RORA: variants seen among roughly 807,000 people sequenced by gnomAD.
RORA encodes the protein RAR related orphan receptor A.
Under a neutral mutation model 69.5 loss-of-function variants are expected in RORA, and 7 were observed. That is an observed-to-expected ratio of 0.10 (90% CI 0.06 to 0.19). RORA has a LOEUF of 0.19. Among genes scored for constraint, RORA ranks in the 10% least tolerant of loss-of-function variants. The probability of loss-of-function intolerance (pLI) is 1.00; values close to 1 mark genes in which losing one functional copy is unlikely to be tolerated. For missense variants in RORA, 457 were observed against 663.0 expected (o/e 0.69, Z 3.41); for synonymous variants, 261 against 240.8 (o/e 1.08, Z -0.78).
intron 2 of RORA, among the ~76,000 whole-genome samples, chr15:60,625,585 T>A (rs184208370): frequency 3.2e-4 from 49 of 152,352 alleles, no homozygotes; most frequent in African/African-American, 1.1e-3. Flanking sequence ...AAATAACGTC[T>A]GGTGTATCAT....
intron 1 of RORA, among the ~76,000 whole-genome samples, chr15:61,202,917 AG>A (rs2079908543): frequency 6.6e-6 from 1 of 152,216 alleles, no homozygotes; most frequent in South Asian, 2.1e-4. Context: ...CAAGAAACAC[AG>A]TACTCAGTGA....
intron 2 of RORA, among the ~76,000 whole-genome samples, chr15:60,664,905 G>A (rs1261426565): frequency 6.6e-6 from 1 of 152,168 alleles, no homozygotes; most frequent in Non-Finnish European, 1.5e-5. Flanking sequence ...ACAAACAAAA[G>A]TAGGGAGGAA....
chr15:60,499,042 C>A (rs2065251236), intron 10 of RORA, among the ~76,000 whole-genome samples: 1 of 152,076 alleles, frequency 6.6e-6, no homozygotes, highest in African/African-American at 2.4e-5. Flanking sequence ...ACATTATAAT[C>A]ATATTTATTG....
intron 1 of RORA, among the ~76,000 whole-genome samples, chr15:60,979,267 G>A (rs989888822): frequency 5.7e-5 from 2 of 35,388 alleles, no homozygotes; most frequent in East Asian, 6.8e-4. Context: ...CCTAGCCCTT[G>A]CTTTTTTTTT....
chr15:61,089,798 C>G (rs2078678439), intron 1 of RORA, among the ~76,000 whole-genome samples: 1 of 152,170 alleles, frequency 6.6e-6, no homozygotes, highest in Non-Finnish European at 1.5e-5. Context: ...CTCTGTAGCC[C>G]ACCGAGCAGT....
intron 2 of RORA, among the ~76,000 whole-genome samples, chr15:60,642,213 G>A (rs1411653148): frequency 6.6e-6 from 1 of 152,010 alleles, no homozygotes; most frequent in Non-Finnish European, 1.5e-5. Context: ...TCCCAGGGAA[G>A]TAAGTAGAAA....
intron 1 of RORA, among the ~76,000 whole-genome samples, chr15:60,752,375 G>A (rs1405060149): frequency 6.6e-6 from 1 of 152,150 alleles, no homozygotes; most frequent in East Asian, 1.9e-4. Flanking sequence ...ACGTGTGAAA[G>A]GAAAGTGTGG....
intron 1 of RORA, among the ~76,000 whole-genome samples, chr15:61,064,279 G>A (rs915525846): frequency 2.6e-5 from 4 of 152,176 alleles, no homozygotes; most frequent in Admixed American, 6.5e-5. Context: ...TTGAGTCACA[G>A]TTTCCATCCG....
At chr15:60,557,972 C>T (rs1163500120) in intron 2 of RORA, 4 of 305,232 alleles carry the variant, frequency 1.3e-5, no homozygotes, top group African/African-American at 2.2e-5. Context: ...TGATGATAAA[C>T]AGTCATCAGA....
At chr15:60,773,416 G>A (rs2072108218) in intron 1 of RORA, among the ~76,000 whole-genome samples, 1 of 152,042 alleles carries the variant, frequency 6.6e-6, no homozygotes, top group Admixed American at 6.6e-5. Context: ...ACATACTTCA[G>A]TGTGTGTTTC....
intron 2 of RORA, among the ~76,000 whole-genome samples, chr15:60,622,804 C>T (rs1304114926): frequency 6.6e-6 from 1 of 152,144 alleles, no homozygotes; most frequent in Non-Finnish European, 1.5e-5. Flanking sequence ...CCACCTCCAC[C>T]TCCTGGGCTC....
chr15:60,601,120 A>ATT (rs1315657217), intron 2 of RORA: 3 of 152,152 alleles, frequency 2.0e-5, no homozygotes, highest in Non-Finnish European at 4.4e-5. Context: ...AATTGAATTA[A>ATT]TTTTTCCTTC....
chr15:60,492,294 AC>A lies in RORA; in HGVS notation c.*5160del, dbSNP rs1215312249. The stretch of plus-strand genomic sequence containing the variant: ...GGAAAGTAATATGTGGAATATGATA[AC>A]AAAACGGTATTTCAAAAATATAACA... On this transcript the variant is annotated 3_prime_UTR_variant, in exon 11 of 11. Coordinates refer to ENST00000335670, the MANE Select transcript of RORA (RefSeq NM_134261.3). The A allele has an allele frequency of 6.6e-6, 1 of 152,228 alleles. No individual in the cohort carries two copies. Among genetic ancestry groups the A allele is most frequent in the Non-Finnish European group, 1.5e-5 (1 of 68,026 alleles). 9.4% of individuals were successfully genotyped at this position (152,228 alleles called of 1,614,324 possible).
chr15:60,528,604 G>C (rs954380287), intron 3 of RORA: 1 of 152,028 alleles, frequency 6.6e-6, no homozygotes, highest in Non-Finnish European at 1.5e-5. Flanking sequence ...ATTGCAAATG[G>C]TCACAACAAT....
chr15:60,998,245 C>A (rs911794064), intron 1 of RORA, among the ~76,000 whole-genome samples: 20 of 152,132 alleles, frequency 1.3e-4, no homozygotes, highest in African/African-American at 4.8e-4. Context: ...CTCACTGTAG[C>A]CTCAAACTCC....
chr15:61,085,843 G>A (rs1192066694), intron 1 of RORA, among the ~76,000 whole-genome samples: 1 of 152,214 alleles, frequency 6.6e-6, no homozygotes, highest in Non-Finnish European at 1.5e-5. Context: ...GAGAACTACT[G>A]GCTTAACTTT....
intron 1 of RORA, among the ~76,000 whole-genome samples, chr15:60,914,489 C>T (rs749273956): frequency 3.3e-5 from 5 of 152,200 alleles, no homozygotes; most frequent in Non-Finnish European, 5.9e-5. Context: ...GAATTGCCTT[C>T]GGGATTTGAC....
At chr15:61,045,902 C>T (rs142331184) in intron 1 of RORA, among the ~76,000 whole-genome samples, 7 of 152,316 alleles carry the variant, frequency 4.6e-5, no homozygotes, top group African/African-American at 1.7e-4. Context: ...AAAAGGACTT[C>T]GTGGCATGCA....
intron 1 of RORA, among the ~76,000 whole-genome samples, chr15:60,752,636 G>T (rs556336346): frequency 1.1e-3 from 77 of 72,868 alleles, no homozygotes; most frequent in South Asian, 2.1e-3. Flanking sequence ...CACCCGCCTC[G>T]AGTTTATTTA....
Sources: allele counts gnomAD v4.1 joint callset (sites outside exome capture counted in the v4.1 genomes callset), GRCh38; gene constraint gnomAD v4.1.1; transcripts MANE v1.5; gene names NCBI Gene and HGNC (gene_info 2026-07-23, HGNC 2026-07-21).